ITPRID1: variants seen among roughly 807,000 people sequenced by gnomAD.
The protein encoded by ITPRID1 is protein ITPRID1.
In ITPRID1, 96 loss-of-function variants were observed where a neutral mutation model predicts 95.4. The observed-to-expected ratio is 1.01, with a 90% CI of 0.85 to 1.19. The LOEUF is 1.19. Ranked by LOEUF, ITPRID1 falls within the 50% of genes most tolerant of loss-of-function variation. The pLI, the probability that ITPRID1 is intolerant of heterozygous loss-of-function variation, is 0.00. For synonymous variants in ITPRID1, 510 were observed against 453.6 expected (o/e 1.12, Z -1.58); for missense variants, 1,339 against 1,252.9 (o/e 1.07, Z -1.04).
chr7:31,532,674 G>A (rs1416202481), intron 1 of ITPRID1, among the ~76,000 whole-genome samples: 2 of 152,160 alleles, frequency 1.3e-5, no homozygotes, highest in Non-Finnish European at 1.5e-5. Context: ...AGTGTTTAAT[G>A]CTTTATGAGA....
At position 31,608,576 on chromosome 7, in the gene ITPRID1, C is replaced by A. The variant is rs559994111; in HGVS notation, c.1228+25385C>A. Among the ~76,000 whole-genome samples, 4 of 151,612 alleles carry A rather than the reference C, an allele frequency of 2.6e-5. No individual in the cohort carries two copies. In the South Asian group the frequency reaches 8.3e-4, roughly 32 times the overall value. Reference sequence around the variant, plus strand: ...TTTTACATGTATAAGTCTTGTAGTTCTTTGGTTCAGTTTATTCTAAATATT... The same window carrying A: ...TTTTACATGTATAAGTCTTGTAGTTATTTGGTTCAGTTTATTCTAAATATT... On this transcript the variant is annotated intron_variant, in intron 10 of 14. Coordinates refer to ENST00000615280, the MANE Select transcript of ITPRID1 (RefSeq NM_001257967.3).
At position 31,529,839 on chromosome 7, in the gene ITPRID1, T is replaced by C. The variant is rs1783538637; in HGVS notation, c.-98+15719T>C. On this transcript the variant is annotated intron_variant, in intron 1 of 14. Transcript: ENST00000615280. Reference sequence around the variant, plus strand: ...CTTTATTCTGGTACAGTAACTCTTATAATTTGTTTTTTTTCTTTTAATCCA... The same window carrying C: ...CTTTATTCTGGTACAGTAACTCTTACAATTTGTTTTTTTTCTTTTAATCCA... 3.9e-6 allele frequency: 6 copies of C among 1,532,308 alleles called. No homozygotes were observed. The African/African-American group carries it at 4.1e-5, about 11-fold the overall frequency. 94.9% of individuals were successfully genotyped at this position (1,532,308 alleles called of 1,614,324 possible).
Position 31,650,323 on chromosome 7 carries a change from G to A in ITPRID1, c.2584-819G>A, listed in dbSNP as rs149839174. Among the ~76,000 whole-genome samples the A allele has an allele frequency of 1.9e-4, 29 of 152,290 alleles. 1 individual carries two copies. The highest frequency in any genetic ancestry group is 9.6e-4 in the East Asian group (5 of 5,182). On this transcript the variant is annotated intron_variant, in intron 12 of 14. Transcript: ENST00000615280. ...TTTATTGGGGGATGGGGAGGTTAAGGTCATCCCAGGGACACAGCCTTGTGC... is the reference window on the plus strand; with the variant it reads ...TTTATTGGGGGATGGGGAGGTTAAGATCATCCCAGGGACACAGCCTTGTGC...
At chr7:31,533,148 G>A (rs6966763) in intron 1 of ITPRID1, among the ~76,000 whole-genome samples, 88,211 of 151,434 alleles carry the variant, frequency 0.58, 26,708 homozygotes, top group Middle Eastern at 0.71. Context: ...GGGTTTCCCC[G>A]TGAGAAGGAT....
At chr7:31,625,790 AG>A (rs1428962269) in intron 10 of ITPRID1, among the ~76,000 whole-genome samples, 1 of 151,962 alleles carries the variant, frequency 6.6e-6, no homozygotes, top group Non-Finnish European at 1.5e-5. Context: ...AAACAGTTAA[AG>A]AATTAGAATA....
At chr7:31,614,078 G>A (rs1016809306) in intron 10 of ITPRID1, among the ~76,000 whole-genome samples, 14 of 152,124 alleles carry the variant, frequency 9.2e-5, no homozygotes, top group African/African-American at 2.4e-5. Context: ...ATGCAGGTCA[G>A]GTATATCAAA....
intron 10 of ITPRID1, among the ~76,000 whole-genome samples, chr7:31,604,744 G>A (rs1022086726): frequency 1.3e-5 from 2 of 152,196 alleles, no homozygotes; most frequent in African/African-American, 4.8e-5. Context: ...TTTAACAAGA[G>A]ATGTGTTTCT....
At position 31,645,754 on chromosome 7, in the gene ITPRID1, C is replaced by T. The variant is rs542707516; in HGVS notation, c.2583+1801C>T. Reference sequence around the variant, plus strand: ...TTGGAGACATTTTTAGTTGTCACAACGGGAGGGGGGTGGTTGCTACTGGCA... The same window carrying T: ...TTGGAGACATTTTTAGTTGTCACAATGGGAGGGGGGTGGTTGCTACTGGCA... On this transcript the variant is annotated intron_variant, in intron 12 of 14. Transcript: ENST00000615280. Among the ~76,000 whole-genome samples the T allele has an allele frequency of 1.9e-4, 29 of 152,140 alleles. 1 individual carries two copies. The highest frequency in any genetic ancestry group is 6.2e-4 in the South Asian group (3 of 4,820).
At chr7:31,552,298 G>T (rs944453556) in intron 2 of ITPRID1, among the ~76,000 whole-genome samples, 1 of 108,274 alleles carries the variant, frequency 9.2e-6, no homozygotes, top group African/African-American at 2.7e-5. Flanking sequence ...GCCTGGTTTT[G>T]AGTCCTGGCT....
At chr7:31,595,756 A>G (rs1175427634) in intron 10 of ITPRID1, among the ~76,000 whole-genome samples, 2 of 152,142 alleles carry the variant, frequency 1.3e-5, no homozygotes, top group Non-Finnish European at 2.9e-5. Context: ...AAAGATAAGT[A>G]GAAATTGGTA....
At position 31,533,274 on chromosome 7, in the gene ITPRID1, CTT is replaced by C. The variant is rs1372036929; in HGVS notation, c.-97-16150_-97-16149del. ...TCCAAAAAAAATTGTCAGTTTATCT[CTT>C]TGTCAAATGTATTGTCATGAAGTTT... is the stretch of plus-strand genomic sequence containing the variant. On this transcript the variant is annotated intron_variant, in intron 1 of 14. Coordinates refer to ENST00000615280, the MANE Select transcript of ITPRID1 (RefSeq NM_001257967.3). 2.0e-5 allele frequency among the ~76,000 whole-genome samples: 3 copies of C among 152,046 alleles called. No individual in the cohort carries two copies. The South Asian group carries it at 6.2e-4, about 32-fold the overall frequency.
Position 31,652,971 on chromosome 7 carries a change from C to A in ITPRID1, c.*142C>A. 6.9e-7 allele frequency: 1 copy of A among 1,453,144 alleles called. No individual in the cohort carries two copies. The highest frequency in any genetic ancestry group is 9.0e-7 in the Non-Finnish European group (1 of 1,106,334). The allele number at this position is 1,453,144 out of a possible 1,614,324, so 90.0% of individuals were successfully genotyped here. A position where few individuals can be genotyped will look rare whatever the true frequency, so the allele number is the denominator to read the frequency against. On this transcript the variant is annotated 3_prime_UTR_variant, in exon 15 of 15. Coordinates refer to ENST00000615280, the MANE Select transcript of ITPRID1 (RefSeq NM_001257967.3). ...CTCATATTCTACCCTTTGGTTAAAC[C>A]CAAGAGGAGTTTAGAATACTCTAAT...
intron 10 of ITPRID1, among the ~76,000 whole-genome samples, chr7:31,614,762 G>A (rs191095874): frequency 2.6e-5 from 4 of 152,296 alleles, no homozygotes; most frequent in Admixed American, 2.6e-4. Context: ...TCTGAGGAGA[G>A]AGCATTGAAC....
chr7:31,533,279 T>A (rs1198944357), intron 1 of ITPRID1, among the ~76,000 whole-genome samples: 6 of 152,156 alleles, frequency 3.9e-5, no homozygotes, highest in Non-Finnish European at 7.4e-5. Context: ...TATCTCTTTG[T>A]CAAATGTATT....
At chr7:31,647,597 C>T (rs1327539033) in intron 12 of ITPRID1, among the ~76,000 whole-genome samples, 2 of 149,570 alleles carry the variant, frequency 1.3e-5, no homozygotes, top group East Asian at 2.0e-4. Context: ...TCACTTGAAC[C>T]TGGGAGGCGG....
At chr7:31,616,010 T>C (rs1472400310) in intron 10 of ITPRID1, among the ~76,000 whole-genome samples, 1 of 152,124 alleles carries the variant, frequency 6.6e-6, no homozygotes, top group Non-Finnish European at 1.5e-5. Flanking sequence ...CCCAAAGTGC[T>C]GGGATTACAG....
At chr7:31,549,961 G>T (rs1344221264) in intron 2 of ITPRID1, among the ~76,000 whole-genome samples, 4 of 152,176 alleles carry the variant, frequency 2.6e-5, no homozygotes, top group South Asian at 4.1e-4. Context: ...CAAGTTTTAT[G>T]ATTTCACTGT....
At chr7:31,529,382 C>T (rs145937316) in intron 1 of ITPRID1, 2 of 182,546 alleles carry the variant, frequency 1.1e-5, no homozygotes, top group African/African-American at 4.7e-5. Context: ...TGCATTCAGA[C>T]CTGCCAACAG....
chr7:31,538,664 T>C (rs1229013916), intron 1 of ITPRID1, among the ~76,000 whole-genome samples: 1 of 152,208 alleles, frequency 6.6e-6, no homozygotes, highest in Non-Finnish European at 1.5e-5. Context: ...ATAATTACAT[T>C]TCATTTATTA....
Sources: allele counts gnomAD v4.1 joint callset (sites outside exome capture counted in the v4.1 genomes callset), GRCh38; gene constraint gnomAD v4.1.1; transcripts MANE v1.5; gene names NCBI Gene and HGNC (gene_info 2026-07-23, HGNC 2026-07-21).